KCNN2: variants seen among roughly 807,000 people sequenced by gnomAD.
KCNN2 encodes the protein potassium calcium-activated channel subfamily N member 2.
Under a neutral mutation model 55.5 loss-of-function variants are expected in KCNN2, and 24 were observed. The ratio of observed to expected loss-of-function variants is 0.43; its 90% CI spans 0.31 to 0.61. The LOEUF is 0.61. KCNN2 is among the 20% of genes least tolerant of loss of function. The probability of loss-of-function intolerance (pLI) is 0.08; values close to 1 mark genes in which losing one functional copy is unlikely to be tolerated. For missense variants in KCNN2, 754 were observed against 853.6 expected (o/e 0.88, Z 1.45); for synonymous variants, 431 against 336.1 (o/e 1.28, Z -3.09).
intron 2 of KCNN2, among the ~76,000 whole-genome samples, chr5:114,385,408 G>T (rs951719883): frequency 2.0e-5 from 3 of 151,944 alleles, no homozygotes; most frequent in African/African-American, 7.3e-5. Context: ...ATAGTGTTGT[G>T]CCCTGTGAAA....
intron 1 of KCNN2, among the ~76,000 whole-genome samples, chr5:114,151,529 AAG>A (rs1460257911): frequency 6.6e-6 from 1 of 151,948 alleles, no homozygotes; most frequent in African/African-American, 2.4e-5. Context: ...AAGCACATGA[AAG>A]AGAGAGAGAT....
intron 2 of KCNN2, 38 bp from the exon 3 acceptor site, chr5:114,404,400 T>A (rs1338108983): frequency 2.6e-6 from 4 of 1,558,516 alleles, no homozygotes; most frequent in Non-Finnish European, 8.8e-7. Context: ...GGACCATTCA[T>A]GCCATACTGA....
intron 2 of KCNN2, among the ~76,000 whole-genome samples, chr5:114,256,987 T>C (rs528483812): frequency 6.6e-6 from 1 of 152,318 alleles, no homozygotes; most frequent in South Asian, 2.1e-4. Context: ...AGGACTTTAA[T>C]AGTTTTAGGT....
chr5:114,478,818 A>T (rs1392839283), intron 5 of KCNN2, among the ~76,000 whole-genome samples: 1 of 152,182 alleles, frequency 6.6e-6, no homozygotes, highest in Non-Finnish European at 1.5e-5. Flanking sequence ...GTGAAGGAGA[A>T]TATAAGATCC....
intron 5 of KCNN2, among the ~76,000 whole-genome samples, chr5:114,476,365 TGGAGTCTCTTGAGACC>T (rs924091469): frequency 6.6e-6 from 1 of 152,056 alleles, no homozygotes; most frequent in African/African-American, 2.4e-5. Flanking sequence ...TTCTTGAGAC[TGGAGTCTCTTGAGACC>T]GGAGTCTCTT....
chr5:114,422,633 C>A (rs1341973334), intron 3 of KCNN2, among the ~76,000 whole-genome samples: 1 of 152,096 alleles, frequency 6.6e-6, no homozygotes, highest in Non-Finnish European at 1.5e-5. Flanking sequence ...GCTAGGCATT[C>A]CAAAACAAAG....
At chr5:114,057,733 T>C (rs1000329083) in intron 1 of KCNN2, among the ~76,000 whole-genome samples, 2 of 152,112 alleles carry the variant, frequency 1.3e-5, no homozygotes, top group Non-Finnish European at 2.9e-5. Context: ...TTGGTGGTAG[T>C]GACATTCAGA....
intron 1 of KCNN2, among the ~76,000 whole-genome samples, chr5:114,146,516 C>T (rs1580556252): frequency 6.6e-6 from 1 of 152,156 alleles, no homozygotes; most frequent in Admixed American, 6.6e-5. Context: ...TGAGAAGTGG[C>T]TTCTCCGGTT....
At chr5:114,118,816 G>C (rs1751772521) in intron 1 of KCNN2, among the ~76,000 whole-genome samples, 1 of 152,128 alleles carries the variant, frequency 6.6e-6, no homozygotes, top group Non-Finnish European at 1.5e-5. Context: ...ACATTCTGCA[G>C]GGCACAGCTG....
chr5:114,362,766 C>T lies in KCNN2; in HGVS notation c.627C>T (p.Thr209=), dbSNP rs551736281. ...PQARRESNPF[T]EIAMSSCRYN... ...CGCGCCGCGAGAGCAACCCCTTCAC[C>T]GAAATAGCCATGAGCAGCTGCAGGT... The change falls in exon 1 of 8, where the codon ACC becomes ACT. Residue 209 remains threonine, a synonymous_variant. Transcript: ENST00000673685. 5.1e-6 allele frequency: 8 copies of T among 1,571,980 alleles called. No individual in the cohort carries two copies. Among genetic ancestry groups the T allele is most frequent in the Non-Finnish European group, 6.9e-6 (8 of 1,164,994 alleles).
At chr5:114,259,322 G>A (rs1221735676) in intron 2 of KCNN2, among the ~76,000 whole-genome samples, 1 of 152,212 alleles carries the variant, frequency 6.6e-6, no homozygotes, top group East Asian at 1.9e-4. Context: ...GCCCTGTACA[G>A]CTTCCATAGC....
chr5:114,204,665 G>T (rs1355098868), intron 1 of KCNN2, among the ~76,000 whole-genome samples: 2 of 152,200 alleles, frequency 1.3e-5, no homozygotes, highest in Non-Finnish European at 2.9e-5. Context: ...ATACTCAGTA[G>T]CCACTTTTAG....
intron 3 of KCNN2, among the ~76,000 whole-genome samples, chr5:114,413,573 C>T (rs796420093): frequency 1.3e-5 from 2 of 152,302 alleles, no homozygotes; most frequent in African/African-American, 4.8e-5. Context: ...AGGCGTGAGC[C>T]ACCACACCTG....
chr5:114,460,539 T>C (rs1761146091), intron 3 of KCNN2, among the ~76,000 whole-genome samples: 2 of 152,150 alleles, frequency 1.3e-5, no homozygotes, highest in Non-Finnish European at 2.9e-5. Flanking sequence ...CCACCACACC[T>C]GGCTGGCCTA....
intron 3 of KCNN2, among the ~76,000 whole-genome samples, chr5:114,414,480 T>C (rs1288094843): frequency 6.6e-6 from 1 of 152,156 alleles, no homozygotes; most frequent in South Asian, 2.1e-4. Flanking sequence ...GGTAGAGCAA[T>C]GTCTAGTCTA....
At chr5:114,074,675 G>C (rs904918685) in intron 1 of KCNN2, among the ~76,000 whole-genome samples, 1 of 152,170 alleles carries the variant, frequency 6.6e-6, no homozygotes, top group African/African-American at 2.4e-5. Flanking sequence ...TAAGTGAGAG[G>C]CTGGTTCTGG....
chr5:114,149,196 A>T (rs1035979030), intron 1 of KCNN2, among the ~76,000 whole-genome samples: 6 of 152,106 alleles, frequency 3.9e-5, no homozygotes, highest in Non-Finnish European at 2.9e-5. Flanking sequence ...GTCCCATAAT[A>T]ACCCTGGAAT....
At chr5:114,379,781 A>T (rs577313137) in intron 2 of KCNN2, among the ~76,000 whole-genome samples, 1 of 90,288 alleles carries the variant, frequency 1.1e-5, no homozygotes, top group Non-Finnish European at 1.9e-5. Context: ...ATTATATAAC[A>T]TATATATTTA....
chr5:114,153,691 TG>T (rs1218290493), intron 1 of KCNN2, among the ~76,000 whole-genome samples: 2 of 152,184 alleles, frequency 1.3e-5, no homozygotes, highest in Non-Finnish European at 2.9e-5. Flanking sequence ...TGGAAGGAAA[TG>T]CTATCATCTT....
Sources: allele counts gnomAD v4.1 joint callset (sites outside exome capture counted in the v4.1 genomes callset), GRCh38; gene constraint gnomAD v4.1.1; transcripts MANE v1.5; gene names NCBI Gene and HGNC (gene_info 2026-07-23, HGNC 2026-07-21).